Variants in TMEM35B observed in about 807,000 individuals in gnomAD.
The protein encoded by TMEM35B is ZMYM6 neighbor protein.
A neutral mutation model predicts 8.7 loss-of-function variants in TMEM35B; 6 were observed. That is an observed-to-expected ratio of 0.69 (90% CI 0.38 to 1.36). The LOEUF (loss-of-function observed/expected upper bound fraction) is 1.36, where lower values mean the gene tolerates loss of function less well. TMEM35B is among the 40% of genes most tolerant of loss of function. The pLI, the probability that TMEM35B is intolerant of heterozygous loss-of-function variation, is 0.02. For synonymous variants in TMEM35B, 89 were observed against 87.0 expected, an observed-to-expected ratio of 1.02 and a Z score of -0.13; for missense variants, 176 against 181.6, an observed-to-expected ratio of 0.97 and a Z score of 0.18.
At chr1:34,981,850 A>G in exon 3 of TMEM35B, 1 of 1,290,828 alleles carries the variant, frequency 7.7e-7, no homozygotes, top group Non-Finnish European at 1.0e-6. Context: ...ACACTGGCTG[A>G]CCCTGGATAT....
Position 34,983,862 on chromosome 1 carries a change from ACAGCTATTTGGTAGTT to A in TMEM35B, c.178_193del (p.Asn60TrpfsTer27). Reference sequence around the variant, plus strand: ...CCCAGCCAGCAGTTCCAGAAAGCCCACAGCTATTTGGTAGTTCAGGGGATCTGGCTGGTAGCCAAAT... The same window carrying A: ...CCCAGCCAGCAGTTCCAGAAAGCCCACAGGGGATCTGGCTGGTAGCCAAAT... On this transcript the variant is annotated frameshift_variant, in exon 2 of 3. Transcript: ENST00000373337. LOFTEE classifies it high-confidence loss of function. 1.3e-6 allele frequency: 2 copies of A among 1,545,838 alleles called. No homozygotes were observed. The highest frequency in any genetic ancestry group is 1.7e-6 in the Non-Finnish European group (2 of 1,144,338).
intron 2 of TMEM35B, among the ~76,000 whole-genome samples, chr1:34,982,990 C>A (rs1640522917): frequency 6.6e-6 from 1 of 152,204 alleles, no homozygotes; most frequent in Non-Finnish European, 1.5e-5. Context: ...TGTCTTTGTA[C>A]ATCAGCAGTT....
chr1:34,983,288 C>T (rs1640526080), intron 2 of TMEM35B, among the ~76,000 whole-genome samples: 1 of 152,034 alleles, frequency 6.6e-6, no homozygotes, highest in South Asian at 2.1e-4. Flanking sequence ...TTAAAAAGTA[C>T]CTGTGCTAGG....
chr1:34,983,721 C>T (rs1437786104), intron 2 of TMEM35B, 46 bp downstream of exon 2: 2 of 1,406,002 alleles, frequency 1.4e-6, no homozygotes, highest in South Asian at 3.4e-5. Context: ...TTTCCATAAT[C>T]CTCCCCCAGA....
Position 34,982,457 on chromosome 1 carries a change from C to CTTT in TMEM35B, c.290-341_290-339dup, listed in dbSNP as rs540924637. On this transcript the variant is annotated intron_variant, in intron 2 of 2. Coordinates refer to ENST00000373337, the Ensembl canonical transcript of TMEM35B. ...AAATCTCCCTGATCCTTCTCCTTTC[C>CTTT]TTTTTTTTTTTTTTTTTTGAGGCAG... Among the ~76,000 whole-genome samples, 5 of 129,730 alleles carry CTTT rather than the reference C, an allele frequency of 3.9e-5. 1 individual carries two copies. Among genetic ancestry groups the CTTT allele is most frequent in the African/African-American group, 1.2e-4 (4 of 33,428 alleles). The allele number at this position is 129,730 out of a possible 152,430, so 85.1% of individuals were successfully genotyped here.
exon 2 of TMEM35B, chr1:34,983,912 C>T (rs377495374): frequency 2.5e-4 from 377 of 1,533,544 alleles, no homozygotes; most frequent in Non-Finnish European, 2.5e-4. Flanking sequence ...ATACCTTCAG[C>T]GGGAACACCT....
intron 1 of TMEM35B, among the ~76,000 whole-genome samples, chr1:34,984,558 T>C (rs1184088655): frequency 6.6e-6 from 1 of 152,144 alleles, no homozygotes; most frequent in East Asian, 1.9e-4. Context: ...GGTCTACAAG[T>C]CTGGCTCTTT....
intron 1 of TMEM35B, among the ~76,000 whole-genome samples, chr1:34,984,466 C>T (rs1309892556): frequency 6.6e-6 from 1 of 152,210 alleles, no homozygotes; most frequent in Non-Finnish European, 1.5e-5. Flanking sequence ...CTCTACCTCC[C>T]CTCCTCAGCT....
chr1:34,982,236 C>A, intron 2 of TMEM35B, 117 bp from the exon 3 acceptor site: 1 of 805,746 alleles, frequency 1.2e-6, no homozygotes, highest in Non-Finnish European at 1.9e-6. Flanking sequence ...TTAAACACCC[C>A]CACCACTCCT....
chr1:34,983,633 A>C (rs1345189888), intron 2 of TMEM35B, 134 bp downstream of exon 2: 1 of 604,494 alleles, frequency 1.7e-6, no homozygotes, highest in Non-Finnish European at 2.6e-6. Flanking sequence ...AGACCATGGA[A>C]ACTGTGGTAG....
chr1:34,984,078 AG>A, intron 1 of TMEM35B, 131 bp from the exon 2 acceptor site: 1 of 895,332 alleles, frequency 1.1e-6, no homozygotes, highest in Non-Finnish European at 1.5e-6. Context: ...GGTCAGGTCC[AG>A]GGCTGAGGTC....
At chr1:34,983,349 C>T (rs1256569135) in intron 2 of TMEM35B, among the ~76,000 whole-genome samples, 1 of 151,930 alleles carries the variant, frequency 6.6e-6, no homozygotes, top group African/African-American at 2.4e-5. Context: ...GAGGCCAAGG[C>T]GGGCAGATCA....
chr1:34,983,335 T>C (rs1035310099), intron 2 of TMEM35B, among the ~76,000 whole-genome samples: 2 of 152,054 alleles, frequency 1.3e-5, no homozygotes, highest in African/African-American at 2.4e-5. Context: ...TCCTAGCACT[T>C]TGGGAGGCCA....
exon 2 of TMEM35B, chr1:34,983,773 T>C (rs1640532983): frequency 3.9e-6 from 6 of 1,524,038 alleles, no homozygotes; most frequent in Admixed American, 2.1e-5. Flanking sequence ...TTACCCATCA[T>C]GAGCAGAATC....
intron 1 of TMEM35B, among the ~76,000 whole-genome samples, chr1:34,984,413 A>G (rs576406758): frequency 2.6e-5 from 4 of 152,244 alleles, no homozygotes; most frequent in African/African-American, 9.6e-5. Context: ...TGACAACTTC[A>G]TCCTTACTTT....
chr1:34,983,189 A>G (rs922826915), intron 2 of TMEM35B, among the ~76,000 whole-genome samples: 5 of 152,202 alleles, frequency 3.3e-5, no homozygotes, highest in Admixed American at 3.3e-4. Flanking sequence ...AGCTTGCAAT[A>G]TATCTTCACA....
chr1:34,985,103 C>G, intron 1 of TMEM35B, 95 bp downstream of exon 1: 1 of 994,814 alleles, frequency 1.0e-6, no homozygotes, highest in Non-Finnish European at 1.4e-6. Context: ...CCTCGGAAGC[C>G]CGAAGGCGGC....
At chr1:34,981,843 C>T in exon 3 of TMEM35B, 2 of 1,235,748 alleles carry the variant, frequency 1.6e-6, no homozygotes, top group Non-Finnish European at 2.1e-6. Context: ...TCTTTCAACA[C>T]TGGCTGACCC....
chr1:34,984,579 G>A (rs6425928), intron 1 of TMEM35B, among the ~76,000 whole-genome samples: 1 of 151,986 alleles, frequency 6.6e-6, no homozygotes, highest in Non-Finnish European at 1.5e-5. Context: ...TGAGGGACTG[G>A]GGAGATTGGT....
Sources: allele counts gnomAD v4.1 joint callset (sites outside exome capture counted in the v4.1 genomes callset), GRCh38; gene constraint gnomAD v4.1.1; transcripts MANE v1.5; gene names NCBI Gene and HGNC (gene_info 2026-07-23, HGNC 2026-07-21).